WDR12: variants seen among roughly 807,000 people sequenced by gnomAD.
WDR12 encodes the protein WD repeat domain 12.
In WDR12, 42 loss-of-function variants were observed where a neutral mutation model predicts 64.3. The ratio of observed to expected loss-of-function variants is 0.65; its 90% CI spans 0.51 to 0.84. The LOEUF (loss-of-function observed/expected upper bound fraction) is 0.84. WDR12 is among the 40% of genes least tolerant of loss of function. WDR12 has a pLI of 0.00. For synonymous variants in WDR12, 158 were observed against 173.3 expected (o/e 0.91, Z 0.70); for missense variants, 469 against 494.6 (o/e 0.95, Z 0.49).
chr2:202,907,011 C>T (rs984553627), intron 2 of WDR12, among the ~76,000 whole-genome samples: 3 of 150,794 alleles, frequency 2.0e-5, no homozygotes, highest in African/African-American at 4.9e-5. Flanking sequence ...TGCAATGGTG[C>T]GATCTTGGCT....
chr2:202,910,448 G>A (rs1688558258), intron 1 of WDR12, among the ~76,000 whole-genome samples: 1 of 152,026 alleles, frequency 6.6e-6, no homozygotes, highest in Non-Finnish European at 1.5e-5. Context: ...GTTTGAACCC[G>A]GGAGACAGAG....
chr2:202,884,181 T>G lies in WDR12; in HGVS notation c.988+17A>C, dbSNP rs1330731517. On this transcript the variant is annotated intron_variant, in intron 10 of 12. Coordinates refer to ENST00000261015, the MANE Select transcript of WDR12 (RefSeq NM_018256.4). ...GTTATTCACACATATATTCCCCCAG[T>G]GGTTTACATGACTCACCTTTAGTTC... 6.2e-7 allele frequency: 1 copy of G among 1,600,908 alleles called. No individual in the cohort carries two copies. Among genetic ancestry groups the G allele is most frequent in the East Asian group, 2.2e-5 (1 of 44,822 alleles).
chr2:202,875,755 C>CA lies in WDR12; in HGVS notation c.*5104dup, dbSNP rs965253058. On this transcript the variant is annotated 3_prime_UTR_variant, in exon 13 of 13. Coordinates refer to ENST00000261015, the MANE Select transcript of WDR12 (RefSeq NM_018256.4). ...TCATTCTTTCCATTTATAAAAACATCATTCTTGTGCACGACATAAGATTGA... is the reference window on the plus strand; with the variant it reads ...TCATTCTTTCCATTTATAAAAACATCAATTCTTGTGCACGACATAAGATTGA... 6.6e-6 allele frequency: 1 copy of CA among 152,270 alleles called. No homozygotes were observed. Among genetic ancestry groups the CA allele is most frequent in the African/African-American group, 2.4e-5 (1 of 41,556 alleles). The allele number at this position is 152,270 out of a possible 1,614,324, so 9.4% of individuals were successfully genotyped here. A position where few individuals can be genotyped will look rare whatever the true frequency, so the allele number is the denominator to read the frequency against.
intron 8 of WDR12, among the ~76,000 whole-genome samples, chr2:202,886,461 A>AAAAC (rs145878024): frequency 6.6e-5 from 10 of 151,212 alleles, no homozygotes; most frequent in Non-Finnish European, 8.8e-5. Flanking sequence ...CTGTCTCTTA[A>AAAAC]AAACAAACAA....
At chr2:202,889,086 T>C (rs1244574500) in intron 8 of WDR12, among the ~76,000 whole-genome samples, 1 of 152,200 alleles carries the variant, frequency 6.6e-6, no homozygotes, top group Non-Finnish European at 1.5e-5. Flanking sequence ...ACTAATAATT[T>C]ATGCATGTAT....
At position 202,884,474 on chromosome 2, in the gene WDR12, G is replaced by A. The variant is rs1242622122; in HGVS notation, c.803C>T (p.Ala268Val). The change falls in exon 9 of 13, where the codon GCT (alanine) becomes GTT (valine). Residue 268 changes from alanine to valine, a missense_variant. By Grantham distance (64) the Ala-to-Val change is moderately conservative. Coordinates refer to ENST00000261015, the MANE Select transcript of WDR12 (RefSeq NM_018256.4). ...CCAAGATGCACTGCAGATTTCTTCAGCATCTGACCACAGAACTGAGGAAAC... is the reference window on the plus strand; with the variant it reads ...CCAAGATGCACTGCAGATTTCTTCAACATCTGACCACAGAACTGAGGAAAC... Reference protein sequence around the residue: ...EAVSSVLWSDAEEICSASWDH... With the variant: ...EAVSSVLWSDVEEICSASWDH... 4 of 1,614,208 alleles carry A rather than the reference G, an allele frequency of 2.5e-6. No homozygotes were observed.
Position 202,875,120 on chromosome 2 carries a change from C to T in WDR12, c.*5740G>A, listed in dbSNP as rs891008436. Reference sequence around the variant, plus strand: ...TGGTTACATACCTTCACACTAGGTACTTAACCTGTCTGCATTGTGGTTTCC... The same window carrying T: ...TGGTTACATACCTTCACACTAGGTATTTAACCTGTCTGCATTGTGGTTTCC... On this transcript the variant is annotated 3_prime_UTR_variant, in exon 13 of 13. Transcript: ENST00000261015. 5 of 152,160 alleles carry T rather than the reference C, an allele frequency of 3.3e-5. No homozygotes were observed. The highest frequency in any genetic ancestry group is 4.1e-4 in the South Asian group (2 of 4,828). 9.4% of individuals were successfully genotyped at this position (152,160 alleles called of 1,614,324 possible).
chr2:202,898,140 C>T (rs962873739), intron 4 of WDR12, among the ~76,000 whole-genome samples: 1 of 151,422 alleles, frequency 6.6e-6, no homozygotes, highest in South Asian at 2.1e-4. Context: ...ATAAGGAATA[C>T]CCAACCTGTA....
chr2:202,897,142 A>C (rs1219396401), intron 5 of WDR12, among the ~76,000 whole-genome samples, 158 bp downstream of exon 5: 1 of 152,146 alleles, frequency 6.6e-6, no homozygotes, highest in Non-Finnish European at 1.5e-5. Context: ...TTTTTATATA[A>C]TCTTTTTCTT....
intron 4 of WDR12, 50 bp from the exon 5 acceptor site, chr2:202,897,465 C>G (rs1382453386): frequency 9.6e-7 from 1 of 1,038,854 alleles, no homozygotes; most frequent in East Asian, 2.7e-5. Flanking sequence ...TTTTCCAAAC[C>G]CTGAAATGTT....
At position 202,877,002 on chromosome 2, in the gene WDR12, A is replaced by T. The variant is rs1002524003; in HGVS notation, c.*3858T>A. 4 of 152,154 alleles carry T rather than the reference A, an allele frequency of 2.6e-5. No individual in the cohort carries two copies. The highest frequency in any genetic ancestry group is 9.7e-5 in the African/African-American group (4 of 41,446). 9.4% of individuals were successfully genotyped at this position (152,154 alleles called of 1,614,324 possible). ...TATTTTCCTTATATTTGTTATATAT[A>T]GTAAACTGTTACCTTTTTTTCAAAA... is the stretch of plus-strand genomic sequence containing the variant. On this transcript the variant is annotated 3_prime_UTR_variant, in exon 13 of 13. Transcript: ENST00000261015.
At chr2:202,909,589 T>C (rs1688527960) in intron 1 of WDR12, among the ~76,000 whole-genome samples, 1 of 152,170 alleles carries the variant, frequency 6.6e-6, no homozygotes, top group African/African-American at 2.4e-5. Context: ...ACTGTGGTGA[T>C]GGTTGCACAA....
rs1439863825 is a variant in WDR12, at chr2:202,874,762, A to G, written c.*6098T>C. On this transcript the variant is annotated 3_prime_UTR_variant, in exon 13 of 13. Coordinates refer to ENST00000261015, the MANE Select transcript of WDR12 (RefSeq NM_018256.4). The stretch of plus-strand genomic sequence containing the variant: ...CAGATACCCAAATGAGTAATTAGAT[A>G]CTGCAAGCTAAACATTCTGTCTCTT... 1 of 152,200 alleles carries G rather than the reference A, an allele frequency of 6.6e-6. No individual in the cohort carries two copies. The highest frequency in any genetic ancestry group is 2.4e-5 in the African/African-American group (1 of 41,458). 9.4% of individuals were successfully genotyped at this position (152,200 alleles called of 1,614,324 possible).
chr2:202,895,872 T>C (rs1218188964), intron 6 of WDR12, 193 bp downstream of exon 6: 3 of 598,848 alleles, frequency 5.0e-6, no homozygotes, highest in South Asian at 2.5e-5. Flanking sequence ...TATAAGGTTC[T>C]AAACCAGGGA....
chr2:202,908,560 A>G (rs1385635275), intron 1 of WDR12, among the ~76,000 whole-genome samples: 1 of 152,238 alleles, frequency 6.6e-6, no homozygotes, highest in Non-Finnish European at 1.5e-5. Context: ...AGGAGTTGTT[A>G]AACTGCCCAG....
intron 12 of WDR12, 32 bp from the exon 13 acceptor site, chr2:202,880,969 C>T (rs1687938245): frequency 6.5e-7 from 1 of 1,529,290 alleles, no homozygotes; most frequent in African/African-American, 1.4e-5. Context: ...GACAAGAAAA[C>T]ATAAATAAAT....
At chr2:202,882,939 C>T in intron 11 of WDR12, 156 bp from the exon 12 acceptor site, 1 of 561,288 alleles carries the variant, frequency 1.8e-6, no homozygotes, top group Non-Finnish European at 3.1e-6. Context: ...ATCATCTCTC[C>T]TCTTTTTCCT....
intron 8 of WDR12, among the ~76,000 whole-genome samples, chr2:202,887,446 T>C (rs1051209850): frequency 6.6e-6 from 1 of 152,318 alleles, no homozygotes; most frequent in Admixed American, 6.5e-5. Flanking sequence ...TGCCAACTCC[T>C]AGACCAAATG....
rs1687872224 is a variant in WDR12, at chr2:202,877,116, T to TA, written c.*3743_*3744insT. On this transcript the variant is annotated 3_prime_UTR_variant, in exon 13 of 13. Transcript: ENST00000261015. ...CCAGATGGTATATATATATATATAT[T>TA]TTTTTTTTTGCAGGGTTGCTTGTTC... 17 of 93,966 alleles carry TA rather than the reference T, an allele frequency of 1.8e-4. No individual in the cohort carries two copies. The highest frequency in any genetic ancestry group is 1.1e-3 in the Admixed American group (12 of 10,572). The allele number at this position is 93,966 out of a possible 1,614,324, so 5.8% of individuals were successfully genotyped here. A position where few individuals can be genotyped will look rare whatever the true frequency, so the allele number is the denominator to read the frequency against.
Sources: allele counts gnomAD v4.1 joint callset (sites outside exome capture counted in the v4.1 genomes callset), GRCh38; gene constraint gnomAD v4.1.1; transcripts MANE v1.5; gene names NCBI Gene and HGNC (gene_info 2026-07-23, HGNC 2026-07-21).